Variants in WNT8B observed in about 807,000 individuals in gnomAD.
WNT8B encodes the protein protein Wnt-8b.
Under a neutral mutation model 36.6 loss-of-function variants are expected in WNT8B, and 24 were observed. That is an observed-to-expected ratio of 0.66 (90% CI 0.48 to 0.92). The LOEUF is 0.92. WNT8B is among the 40% of genes least tolerant of loss of function. The pLI is 0.00. For synonymous variants in WNT8B, 199 were observed against 189.8 expected, an observed-to-expected ratio of 1.05 and a Z score of -0.40; for missense variants, 402 against 470.8, an observed-to-expected ratio of 0.85 and a Z score of 1.35.
In WNT8B at chr10:100,479,042, T is replaced by TC. The variant is rs535257138; in HGVS notation, c.69-7dup. 3,759 of 1,589,004 alleles carry TC rather than the reference T, an allele frequency of 2.4e-3. 52 individuals are homozygous for TC. The Middle Eastern group carries it at 0.036, about 15-fold the overall frequency. On this transcript the variant is annotated splice_polypyrimidine_tract_variant and intron_variant, in intron 1 of 5. Transcript: ENST00000343737. Reference sequence around the variant, plus strand: ...TTATATTCTGTTTTTGTTTTTTTTTTCCCTTATAGGTCGGTGAACAATTTC... The same window carrying TC: ...TTATATTCTGTTTTTGTTTTTTTTTTCCCCTTATAGGTCGGTGAACAATTTC...
intron 1 of WNT8B, among the ~76,000 whole-genome samples, chr10:100,477,400 C>T (rs929974822): frequency 4.6e-5 from 7 of 151,252 alleles, no homozygotes; most frequent in Non-Finnish European, 8.8e-5. Context: ...CCCAGGTTCA[C>T]GCCATTCTCC....
Position 100,483,117 on chromosome 10 carries a change from T to G in WNT8B, c.*301T>G. On this transcript the variant is annotated 3_prime_UTR_variant, in exon 6 of 6. Transcript: ENST00000343737. ...TCCTCCTCCCCTCTCCTAGCAGCCC[T>G]AATGTCTGACCTAGCCTATCAAGCC... 1 of 356,744 alleles carries G rather than the reference T, an allele frequency of 2.8e-6. No individual in the cohort carries two copies. Among genetic ancestry groups the G allele is most frequent in the Non-Finnish European group, 5.0e-6 (1 of 199,232 alleles). The allele number at this position is 356,744 out of a possible 1,614,324, so 22.1% of individuals were successfully genotyped here.
chr10:100,481,807 T>C, intron 4 of WNT8B, 105 bp from the exon 5 acceptor site: 1 of 1,477,260 alleles, frequency 6.8e-7, no homozygotes, highest in South Asian at 1.3e-5. Flanking sequence ...ACCTTAATCC[T>C]CTCCTATCCT....
At chr10:100,465,672 A>G (rs1164118105) in intron 1 of WNT8B, among the ~76,000 whole-genome samples, 1 of 152,172 alleles carries the variant, frequency 6.6e-6, no homozygotes, top group African/African-American at 2.4e-5. Context: ...ACTTCTTTCC[A>G]AAGGTCTGCA....
Position 100,482,252 on chromosome 10 carries a change from C to A in WNT8B, c.511-19C>A. On this transcript the variant is annotated intron_variant, in intron 5 of 5. Coordinates refer to ENST00000343737, the MANE Select transcript of WNT8B (RefSeq NM_003393.4). This position sits in a 1 kb window ranked among gnomAD's most constrained non-coding sequence, Gnocchi z 6.6. Reference sequence around the variant, plus strand: ...CACGCGCTTAATCCGGGGCCTCTCACTCCTAGCTCTCTCCCCAGGCGGTGA... The same window carrying A: ...CACGCGCTTAATCCGGGGCCTCTCAATCCTAGCTCTCTCCCCAGGCGGTGA... The A allele has an allele frequency of 6.4e-7, 1 of 1,569,080 alleles. No individual in the cohort carries two copies. The highest frequency in any genetic ancestry group is 8.6e-7 in the Non-Finnish European group (1 of 1,162,926).
At chr10:100,477,299 A>AT (rs1564644495) in intron 1 of WNT8B, among the ~76,000 whole-genome samples, 1 of 151,230 alleles carries the variant, frequency 6.6e-6, no homozygotes, top group African/African-American at 2.4e-5. Context: ...TCATTTATTT[A>AT]TTTATTTTAT....
In WNT8B at chr10:100,463,120, C is replaced by A. The variant is rs770056474; in HGVS notation, c.-49C>A. ...GAGAATATTTCTCCGTCTTGCTTAC[C>A]CATCTCCCAGTTTTTTGGAATTTTC... On this transcript the variant is annotated 5_prime_UTR_variant, in exon 1 of 6. Coordinates refer to ENST00000343737, the MANE Select transcript of WNT8B (RefSeq NM_003393.4). 31 of 1,549,144 alleles carry A rather than the reference C, an allele frequency of 2.0e-5. No homozygotes were observed. In the South Asian group the frequency reaches 3.4e-4, roughly 17 times the overall value.
chr10:100,480,079 C>T, intron 3 of WNT8B, 67 bp downstream of exon 3: 1 of 1,559,900 alleles, frequency 6.4e-7, no homozygotes. Flanking sequence ...AGGGATAGCC[C>T]CTTGCCTCCT....
intron 1 of WNT8B, among the ~76,000 whole-genome samples, chr10:100,478,722 C>T (rs899999081): frequency 5.3e-5 from 8 of 152,094 alleles, no homozygotes; most frequent in African/African-American, 1.4e-4. Context: ...GCTGGGACTA[C>T]AGGCGCCTGC....
At chr10:100,480,964 C>T (rs780660418) in intron 3 of WNT8B, 34 bp from the exon 4 acceptor site, 2 of 1,608,656 alleles carry the variant, frequency 1.2e-6, no homozygotes, top group East Asian at 2.2e-5. Context: ...GCTGAAACCC[C>T]TCCCTCTAAC....
intron 1 of WNT8B, among the ~76,000 whole-genome samples, chr10:100,476,760 T>C (rs1361771667): frequency 2.0e-5 from 3 of 152,248 alleles, no homozygotes; most frequent in Non-Finnish European, 4.4e-5. Flanking sequence ...TAACTTTTTA[T>C]TTTTAGATAA....
chr10:100,473,760 T>C (rs988902886), intron 1 of WNT8B, among the ~76,000 whole-genome samples: 9 of 152,190 alleles, frequency 5.9e-5, no homozygotes, highest in Non-Finnish European at 1.2e-4. Flanking sequence ...ACCCCATCTC[T>C]ACTAAAAATA....
chr10:100,477,034 G>A (rs1851046689), intron 1 of WNT8B, among the ~76,000 whole-genome samples: 1 of 152,100 alleles, frequency 6.6e-6, no homozygotes, highest in Non-Finnish European at 1.5e-5. Context: ...ACTCTTTACA[G>A]CCACATCCAT....
intron 1 of WNT8B, among the ~76,000 whole-genome samples, chr10:100,464,371 G>T (rs1850888664): frequency 1.3e-5 from 2 of 151,998 alleles, no homozygotes; most frequent in African/African-American, 4.8e-5. Flanking sequence ...TTAAAAAAAA[G>T]GTCTCTCTTC....
chr10:100,481,861 G>A, intron 4 of WNT8B, 51 bp from the exon 5 acceptor site: 2 of 1,609,314 alleles, frequency 1.2e-6, no homozygotes, highest in Non-Finnish European at 1.7e-6. Flanking sequence ...CAGCCCAGGA[G>A]GCTCTGCGCC....
rs1564645617 is a variant in WNT8B at position 100,482,197 on chromosome 10, C to T, written c.511-74C>T. 2 of 1,532,686 alleles carry T rather than the reference C, an allele frequency of 1.3e-6. No individual in the cohort carries two copies. Among genetic ancestry groups the T allele is most frequent in the Admixed American group, 1.9e-5 (1 of 52,292 alleles). 94.9% of individuals were successfully genotyped at this position (1,532,686 alleles called of 1,614,324 possible). A position where few individuals can be genotyped will look rare whatever the true frequency, so the allele number is the denominator to read the frequency against. On this transcript the variant is annotated intron_variant, in intron 5 of 5. Transcript: ENST00000343737. The surrounding 1 kb of genome is among the most constrained non-coding windows in gnomAD (Gnocchi z 6.6). The stretch of plus-strand genomic sequence containing the variant: ...GGCCCAGTAGACTAACTAGACTTCT[C>T]GCAACTCCCACAGGGGCAGTTAAAC...
chr10:100,472,278 T>C (rs1270655785), intron 1 of WNT8B, among the ~76,000 whole-genome samples: 1 of 151,482 alleles, frequency 6.6e-6, no homozygotes, highest in East Asian at 2.0e-4. Context: ...ACCCAGCTAA[T>C]TTTTTGTATT....
At position 100,481,136 on chromosome 10, in the gene WNT8B, G is replaced by A. The variant is rs775149299; in HGVS notation, c.367+13G>A. The A allele has an allele frequency of 3.7e-6, 6 of 1,613,716 alleles. No homozygotes were observed. In the Admixed American group the frequency reaches 5.0e-5, roughly 13 times the overall value. ...AACGGGCAACTGGGTGAGTAGTAAT[G>A]TAGGGATGGGTACCATAGGCCAGCC... is the stretch of plus-strand genomic sequence containing the variant. On this transcript the variant is annotated intron_variant, in intron 4 of 5. Coordinates refer to ENST00000343737, the MANE Select transcript of WNT8B (RefSeq NM_003393.4).
chr10:100,481,398 G>A (rs1290691163), intron 4 of WNT8B, among the ~76,000 whole-genome samples: 1 of 152,000 alleles, frequency 6.6e-6, no homozygotes, highest in Admixed American at 6.6e-5. Flanking sequence ...CAAACACAAG[G>A]GGAACTTCCT....
Sources: allele counts gnomAD v4.1 joint callset (sites outside exome capture counted in the v4.1 genomes callset), GRCh38; gene constraint gnomAD v4.1.1; non-coding constraint Gnocchi (gnomAD v3.1); transcripts MANE v1.5; gene names NCBI Gene and HGNC (gene_info 2026-07-23, HGNC 2026-07-21).